Variants in UNC5B observed in about 807,000 individuals in gnomAD.
UNC5B encodes the protein netrin receptor UNC5B.
In UNC5B, 56 loss-of-function variants were observed where a neutral mutation model predicts 103.7. The ratio of observed to expected loss-of-function variants is 0.54; its 90% confidence interval spans 0.44 to 0.67. UNC5B has a LOEUF of 0.67. Among genes scored for constraint, UNC5B ranks in the 30% least tolerant of loss-of-function variants. The pLI is 0.00. For synonymous variants in UNC5B, 577 were observed against 542.0 expected, an observed-to-expected ratio of 1.06 and a Z score of -0.90; for missense variants, 1,194 against 1,284.5, an observed-to-expected ratio of 0.93 and a Z score of 1.08.
intron 1 of UNC5B, among the ~76,000 whole-genome samples, chr10:71,224,969 A>G (rs1843531425): frequency 6.6e-6 from 1 of 152,204 alleles, no homozygotes; most frequent in Non-Finnish European, 1.5e-5. Flanking sequence ...ACAGTTCAGG[A>G]AGTCCTGTGG....
chr10:71,218,460 A>T (rs1012760965), intron 1 of UNC5B, among the ~76,000 whole-genome samples: 1 of 152,210 alleles, frequency 6.6e-6, no homozygotes, highest in Non-Finnish European at 1.5e-5. Context: ...AGCACTTAAG[A>T]GACCTCATTT....
At chr10:71,264,969 T>C (rs898642879) in intron 1 of UNC5B, among the ~76,000 whole-genome samples, 1 of 49,250 alleles carries the variant, frequency 2.0e-5, no homozygotes, top group Non-Finnish European at 4.5e-5. Context: ...CCCCTGTCTC[T>C]ATAAAAAAAA....
At position 71,291,489 on chromosome 10, in the gene UNC5B, T is replaced by C. The variant is rs1845255084; in HGVS notation, c.1352T>C (p.Ile451Thr). ...VPPDLTASAG[I>T]YRGPVYALQD... is the part of the protein sequence containing the mutation. ...CCTGACCTGACAGCCAGCGCCGGCATCTACCGCGGACCCGTGTATGCCCTG... is the reference window on the plus strand; with the variant it reads ...CCTGACCTGACAGCCAGCGCCGGCACCTACCGCGGACCCGTGTATGCCCTG... Residue 451 changes from isoleucine (I) to threonine (T), a missense_variant, in exon 10 of 17, where the codon ATC becomes ACC. By Grantham distance (89) the Ile-to-Thr change is moderately conservative. Transcript: ENST00000335350. 1.2e-6 allele frequency: 2 copies of C among 1,613,976 alleles called. No individual in the cohort carries two copies. Among genetic ancestry groups the C allele is most frequent in the Non-Finnish European group, 1.7e-6 (2 of 1,180,022 alleles).
intron 1 of UNC5B, among the ~76,000 whole-genome samples, chr10:71,275,549 G>C (rs972037406): frequency 1.3e-5 from 2 of 152,180 alleles, no homozygotes; most frequent in African/African-American, 4.8e-5. Context: ...CCCATTTCCA[G>C]TTCAGCAGAG....
intron 1 of UNC5B, among the ~76,000 whole-genome samples, chr10:71,236,567 G>A (rs146923443): frequency 5.3e-4 from 81 of 152,246 alleles, no homozygotes; most frequent in African/African-American, 1.8e-3. Flanking sequence ...GTCGTAAAGC[G>A]TTTCTCAGAG....
Position 71,231,074 on chromosome 10 carries a change from G to A in UNC5B, c.79+18010G>A, listed in dbSNP as rs182858998. On this transcript the variant is annotated intron_variant, in intron 1 of 16. Transcript: ENST00000335350. ...TCTCTGAGCCTCAGTTTCCCTGTCT[G>A]TTAAATGAGGGGGTTGGACTAGTGA... Among the ~76,000 whole-genome samples the A allele has an allele frequency of 4.0e-3, 602 of 152,328 alleles. 2 individuals are homozygous for A. Among genetic ancestry groups the A allele is most frequent in the South Asian group, 8.1e-3 (39 of 4,830 alleles).
At chr10:71,238,225 G>T (rs1164303130) in intron 1 of UNC5B, among the ~76,000 whole-genome samples, 3 of 152,150 alleles carry the variant, frequency 2.0e-5, no homozygotes, top group Non-Finnish European at 4.4e-5. Context: ...GGAAGGGGTT[G>T]CTCGAAGACC....
At chr10:71,296,847 G>A (rs1266775661) in intron 15 of UNC5B, 105 bp downstream of exon 15, 2 of 573,644 alleles carry the variant, frequency 3.5e-6, no homozygotes, top group African/African-American at 2.1e-5. Flanking sequence ...GCGGAGGTGA[G>A]GGAAGGGTGG....
At position 71,213,747 on chromosome 10, in the gene UNC5B, G is replaced by C. The variant is rs1052090590; in HGVS notation, c.79+683G>C. ...TTGGAGAGTGTGTGTGTGTGTGTGTGTGTGTGTGTGTGTGTTGGATGCGGG... is the reference window on the plus strand; with the variant it reads ...TTGGAGAGTGTGTGTGTGTGTGTGTCTGTGTGTGTGTGTGTTGGATGCGGG... On this transcript the variant is annotated intron_variant, in intron 1 of 16. Coordinates refer to ENST00000335350, the MANE Select transcript of UNC5B (RefSeq NM_170744.5). The surrounding 1 kb of genome is among the most constrained non-coding windows in gnomAD (Gnocchi z 4.1). 4.0e-5 allele frequency among the ~76,000 whole-genome samples: 6 copies of C among 149,926 alleles called. No individual in the cohort carries two copies. The highest frequency in any genetic ancestry group is 1.3e-4 in the Admixed American group (2 of 15,090).
At chr10:71,226,067 TTTTA>T (rs1843557444) in intron 1 of UNC5B, among the ~76,000 whole-genome samples, 1 of 152,284 alleles carries the variant, frequency 6.6e-6, no homozygotes, top group East Asian at 1.9e-4. Context: ...TTTTATTTAT[TTTTA>T]TTTATTTTAT....
intron 1 of UNC5B, among the ~76,000 whole-genome samples, chr10:71,236,926 A>G (rs1843786259): frequency 6.6e-6 from 1 of 152,238 alleles, no homozygotes. Flanking sequence ...GAGAAGATGC[A>G]TGCCCCTGAA....
intron 1 of UNC5B, among the ~76,000 whole-genome samples, chr10:71,221,105 G>A (rs1404780016): frequency 1.3e-5 from 2 of 152,234 alleles, no homozygotes; most frequent in Non-Finnish European, 2.9e-5. Flanking sequence ...TGGAAAGTCA[G>A]TATATTGACT....
At chr10:71,250,088 G>T (rs1844138669) in intron 1 of UNC5B, among the ~76,000 whole-genome samples, 1 of 152,236 alleles carries the variant, frequency 6.6e-6, no homozygotes, top group African/African-American at 2.4e-5. Flanking sequence ...CTTGAGCAGG[G>T]CAGAGGTGCT....
At chr10:71,239,661 C>G (rs893279499) in intron 1 of UNC5B, among the ~76,000 whole-genome samples, 1 of 152,174 alleles carries the variant, frequency 6.6e-6, no homozygotes, top group Non-Finnish European at 1.5e-5. Flanking sequence ...GTCCTCTGTT[C>G]AGCAGTGCAA....
At chr10:71,283,261 A>C (rs2132301690) in intron 2 of UNC5B, among the ~76,000 whole-genome samples, 1 of 152,314 alleles carries the variant, frequency 6.6e-6, no homozygotes, top group South Asian at 2.1e-4. Flanking sequence ...CAGTTTCTTC[A>C]AAGGTAACAG....
intron 1 of UNC5B, among the ~76,000 whole-genome samples, chr10:71,234,213 G>T (rs1046300804): frequency 3.3e-5 from 5 of 152,234 alleles, no homozygotes; most frequent in Non-Finnish European, 7.3e-5. Context: ...AGCAGCAAAA[G>T]AGCCTGGATT....
chr10:71,231,148 T>G (rs1404386218), intron 1 of UNC5B, among the ~76,000 whole-genome samples: 1 of 152,130 alleles, frequency 6.6e-6, no homozygotes, highest in Non-Finnish European at 1.5e-5. Flanking sequence ...CATCGTAAAG[T>G]CCCCTTAGCC....
chr10:71,289,451 C>A (rs1169284063), intron 8 of UNC5B, among the ~76,000 whole-genome samples: 2 of 152,214 alleles, frequency 1.3e-5, no homozygotes, highest in African/African-American at 4.8e-5. Flanking sequence ...GCCAAGCCTC[C>A]CAAATTGTCT....
chr10:71,248,717 C>G (rs1844100135), intron 1 of UNC5B, among the ~76,000 whole-genome samples: 1 of 152,114 alleles, frequency 6.6e-6, no homozygotes, highest in Admixed American at 6.5e-5. Flanking sequence ...TAGGCATGCA[C>G]TTTTACACAG....
Sources: gnomAD v4.1 joint callset for allele counts (sites outside exome capture counted in the v4.1 genomes callset) on GRCh38, gnomAD v4.1.1 for gene constraint, Gnocchi (gnomAD v3.1) non-coding constraint, MANE v1.5 for transcripts, NCBI Gene and HGNC (gene_info 2026-07-23, HGNC 2026-07-21) for gene names.